The following PTPRT variants were observed in gnomAD, a reference collection of about 807,000 sequenced individuals.
The protein encoded by PTPRT is protein tyrosine phosphatase receptor type T, also known as receptor-type tyrosine-protein phosphatase T.
Under a neutral mutation model 176.8 loss-of-function variants are expected in PTPRT, and 56 were observed. The observed-to-expected ratio is 0.32, with a 90% CI of 0.26 to 0.40. The LOEUF is 0.40. Among genes scored for constraint, PTPRT ranks in the 10% least tolerant of loss-of-function variants. The pLI, the probability that PTPRT is intolerant of heterozygous loss-of-function variation, is 1.00. For missense variants in PTPRT, 1,540 were observed against 1,908.2 expected (o/e 0.81, Z 3.60); for synonymous variants, 783 against 739.0 (o/e 1.06, Z -0.96).
chr20:42,449,427 T>C (rs1366614532), intron 8 of PTPRT, among the ~76,000 whole-genome samples: 2 of 152,178 alleles, frequency 1.3e-5, no homozygotes, highest in African/African-American at 4.8e-5. Flanking sequence ...TCCCCAAACT[T>C]TCTGCTGTAA....
At chr20:42,781,214 C>T (rs1409833748) in intron 3 of PTPRT, among the ~76,000 whole-genome samples, 2 of 152,118 alleles carry the variant, frequency 1.3e-5, no homozygotes, top group African/African-American at 4.8e-5. Context: ...GCTCCTCAGA[C>T]TCCATACGAG....
chr20:42,465,977 C>T (rs892035038), intron 8 of PTPRT, among the ~76,000 whole-genome samples: 6 of 152,144 alleles, frequency 3.9e-5, no homozygotes, highest in African/African-American at 1.4e-4. Context: ...TCCCTGTGTC[C>T]ATGTGTTCTC....
chr20:42,880,647 C>A (rs2078999639), intron 2 of PTPRT, among the ~76,000 whole-genome samples: 1 of 152,136 alleles, frequency 6.6e-6, no homozygotes, highest in African/African-American at 2.4e-5. Context: ...GAAGGCAGGG[C>A]TAGGAACTGG....
At chr20:42,241,046 A>G (rs2056344013) in intron 14 of PTPRT, among the ~76,000 whole-genome samples, 1 of 152,236 alleles carries the variant, frequency 6.6e-6, no homozygotes, top group South Asian at 2.1e-4. Context: ...AGTGAGGCTC[A>G]GAGAGGTTAA....
At chr20:42,759,642 C>G (rs928735437) in intron 5 of PTPRT, among the ~76,000 whole-genome samples, 1 of 152,148 alleles carries the variant, frequency 6.6e-6, no homozygotes, top group African/African-American at 2.4e-5. Context: ...GGAAAAATTC[C>G]GTCAGATAAG....
chr20:42,159,425 T>C (rs953582079), intron 17 of PTPRT, among the ~76,000 whole-genome samples: 1 of 152,068 alleles, frequency 6.6e-6, no homozygotes, highest in Non-Finnish European at 1.5e-5. Context: ...TTTCTTTTTT[T>C]AATTATTATT....
chr20:42,511,053 AAG>A (rs1450292125), intron 7 of PTPRT, among the ~76,000 whole-genome samples: 1 of 152,072 alleles, frequency 6.6e-6, no homozygotes, highest in African/African-American at 2.4e-5. Context: ...ACTTTGTAAA[AAG>A]AGAGAGACCT....
chr20:42,355,973 C>T (rs1335858367), intron 9 of PTPRT, among the ~76,000 whole-genome samples: 1 of 152,176 alleles, frequency 6.6e-6, no homozygotes, highest in Non-Finnish European at 1.5e-5. Context: ...TAATGAAACA[C>T]TATGAATAAA....
Position 42,074,308 on chromosome 20 carries a change from A to C in PTPRT, c.*6571T>G. 1 of 231,454 alleles carries C rather than the reference A, an allele frequency of 4.3e-6. No homozygotes were observed. Among genetic ancestry groups the C allele is most frequent in the Admixed American group, 5.6e-5 (1 of 17,738 alleles). The allele number at this position is 231,454 out of a possible 1,614,324, so 14.3% of individuals were successfully genotyped here. On this transcript the variant is annotated 3_prime_UTR_variant, in exon 31 of 31. Transcript: ENST00000373187. ...TTCATAAGCCCAAAGGCACTGAAGT[A>C]ATTGTACAGAGACTCAATTTTGTAA... is the stretch of plus-strand genomic sequence containing the variant.
At chr20:42,854,371 A>G (rs16985275) in intron 2 of PTPRT, among the ~76,000 whole-genome samples, 1,843 of 152,340 alleles carry the variant, frequency 0.012, 43 homozygotes, top group African/African-American at 0.042. Flanking sequence ...AAGTTTGAAC[A>G]CCTTGACAAA....
intron 1 of PTPRT, among the ~76,000 whole-genome samples, chr20:43,000,056 A>G (rs1984462862): frequency 1.0e-5 from 1 of 97,632 alleles, no homozygotes; most frequent in Admixed American, 1.4e-4. Context: ...GAAGGGAAGA[A>G]GGGAAGGAGG....
intron 6 of PTPRT, among the ~76,000 whole-genome samples, chr20:42,727,868 C>T (rs1319750645): frequency 6.6e-6 from 1 of 152,146 alleles, no homozygotes; most frequent in Admixed American, 6.5e-5. Context: ...TCTGGCTCTA[C>T]TGGATTGTAT....
At chr20:43,119,850 T>G (rs964031990) in intron 1 of PTPRT, among the ~76,000 whole-genome samples, 1 of 152,166 alleles carries the variant, frequency 6.6e-6, no homozygotes, top group Non-Finnish European at 1.5e-5. Context: ...ATCATATAAA[T>G]AGCAATGTCA....
intron 1 of PTPRT, among the ~76,000 whole-genome samples, chr20:42,956,187 TTG>T (rs1981622302): frequency 6.6e-6 from 1 of 152,150 alleles, no homozygotes; most frequent in African/African-American, 2.4e-5. Flanking sequence ...CTGCCCAAAC[TTG>T]GTGAGACAGT....
chr20:42,889,748 G>A (rs2079161507), intron 1 of PTPRT, among the ~76,000 whole-genome samples: 1 of 152,152 alleles, frequency 6.6e-6, no homozygotes, highest in African/African-American at 2.4e-5. Flanking sequence ...CAAAGCAGCA[G>A]GTTAAACATA....
chr20:42,283,595 T>C (rs1366642903), intron 12 of PTPRT, among the ~76,000 whole-genome samples: 1 of 151,976 alleles, frequency 6.6e-6, no homozygotes, highest in African/African-American at 2.4e-5. Context: ...TTGGGGGTGA[T>C]TGGGAGACAC....
At chr20:42,256,185 A>C (rs1261434818) in intron 13 of PTPRT, among the ~76,000 whole-genome samples, 1 of 152,204 alleles carries the variant, frequency 6.6e-6, no homozygotes, top group Non-Finnish European at 1.5e-5. Flanking sequence ...GATGCTGGGC[A>C]ACTTTCTGGC....
At chr20:43,100,074 T>G (rs2012329287) in intron 1 of PTPRT, among the ~76,000 whole-genome samples, 1 of 152,094 alleles carries the variant, frequency 6.6e-6, no homozygotes, top group East Asian at 1.9e-4. Flanking sequence ...CTTTATAAAT[T>G]CAAGAATATA....
chr20:42,725,298 A>C (rs1299617154), intron 6 of PTPRT, among the ~76,000 whole-genome samples: 1 of 151,874 alleles, frequency 6.6e-6, no homozygotes, highest in Non-Finnish European at 1.5e-5. Context: ...AGAAAAAAAA[A>C]CCTTCCTCAA....
Sources: allele counts gnomAD v4.1 joint callset (sites outside exome capture counted in the v4.1 genomes callset), GRCh38; gene constraint gnomAD v4.1.1; transcripts MANE v1.5; gene names NCBI Gene and HGNC (gene_info 2026-07-23, HGNC 2026-07-21).